The following FXN variants were observed in gnomAD, a reference collection of about 807,000 sequenced individuals.
FXN encodes frataxin.
A neutral mutation model predicts 22.4 loss-of-function variants in FXN; 14 were observed. That is an observed-to-expected ratio of 0.62 (90% CI 0.41 to 0.98). The LOEUF (loss-of-function observed/expected upper bound fraction) is 0.98, where lower values mean the gene tolerates loss of function less well. Among genes scored for constraint, FXN ranks in the 50% least tolerant of loss-of-function variants. The probability of loss-of-function intolerance (pLI) is 0.00; values close to 1 mark genes in which losing one functional copy is unlikely to be tolerated. For synonymous variants in FXN, 120 were observed against 114.1 expected, an observed-to-expected ratio of 1.05 and a Z score of -0.33; for missense variants, 267 against 268.4, an observed-to-expected ratio of 0.99 and a Z score of 0.04.
At chr9:69,039,242 C>T (rs1425371539) in intron 1 of FXN, among the ~76,000 whole-genome samples, 2 of 149,700 alleles carry the variant, frequency 1.3e-5, no homozygotes, top group Middle Eastern at 3.4e-3. Context: ...GGCGACAGAG[C>T]GAGACTCCGT....
At position 69,074,892 on chromosome 9, in the gene FXN, G is replaced by A. The variant is rs935542684; in HGVS notation, c.*2130G>A. ...TGAGAAAATAAATAACATCATACAT[G>A]TTTGTATGTGTTTGCATCTTGCTTC... On this transcript the variant is annotated 3_prime_UTR_variant, in exon 5 of 5. Transcript: ENST00000484259. 2 of 985,286 alleles carry A rather than the reference G, an allele frequency of 2.0e-6. No homozygotes were observed. The highest frequency in any genetic ancestry group is 2.4e-6 in the Non-Finnish European group (2 of 829,814). The allele number at this position is 985,286 out of a possible 1,614,324, so 61.0% of individuals were successfully genotyped here. A position where few individuals can be genotyped will look rare whatever the true frequency, so the allele number is the denominator to read the frequency against.
intron 3 of FXN, among the ~76,000 whole-genome samples, chr9:69,056,686 C>G (rs767019606): frequency 5.9e-5 from 9 of 151,726 alleles, no homozygotes; most frequent in Non-Finnish European, 8.8e-5. Context: ...GCTGAAACCA[C>G]TAAAAAGGAA....
At chr9:69,041,922 A>C (rs1461004514) in intron 1 of FXN, among the ~76,000 whole-genome samples, 3 of 152,158 alleles carry the variant, frequency 2.0e-5, no homozygotes, top group Non-Finnish European at 4.4e-5. Flanking sequence ...TTAGAGGGAG[A>C]CATGGCTGCC....
chr9:69,078,361 T>C lies in FXN; in HGVS notation c.*5599T>C, dbSNP rs575431456. 11 of 985,454 alleles carry C rather than the reference T, an allele frequency of 1.1e-5. No individual in the cohort carries two copies. In the African/African-American group the frequency reaches 1.9e-4, roughly 17 times the overall value. The allele number at this position is 985,454 out of a possible 1,614,324, so 61.0% of individuals were successfully genotyped here. ...AGTTTCACCAAACATCCCTTAAATC[T>C]GCCCTCTCCTGCCCGTCCCCAGTGG... On this transcript the variant is annotated 3_prime_UTR_variant, in exon 5 of 5. Coordinates refer to ENST00000484259, the MANE Select transcript of FXN (RefSeq NM_000144.5).
intron 1 of FXN, among the ~76,000 whole-genome samples, chr9:69,039,286 A>G (rs1361049714): frequency 2.0e-5 from 3 of 151,920 alleles, no homozygotes; most frequent in Non-Finnish European, 2.9e-5. Context: ...TAATAACTTT[A>G]TTACTTTATT....
Position 69,078,448 on chromosome 9 carries a change from T to C in FXN, c.*5686T>C. ...GCTTTCTTATATCCACCTTCCTCCT[T>C]TTCTCTCAGCCCATCATCTAGCTAC... is the stretch of plus-strand genomic sequence containing the variant. On this transcript the variant is annotated 3_prime_UTR_variant, in exon 5 of 5. Transcript: ENST00000484259. The C allele has an allele frequency of 8.1e-6, 8 of 985,426 alleles. No individual in the cohort carries two copies. Among genetic ancestry groups the C allele is most frequent in the Non-Finnish European group, 9.6e-6 (8 of 829,944 alleles). 61.0% of individuals were successfully genotyped at this position (985,426 alleles called of 1,614,324 possible).
intron 3 of FXN, among the ~76,000 whole-genome samples, chr9:69,064,195 G>A (rs1187899338): frequency 6.6e-6 from 1 of 152,180 alleles, no homozygotes; most frequent in Non-Finnish European, 1.5e-5. Context: ...CCATTCTAAA[G>A]AGACCACAGG....
In FXN at chr9:69,078,749, C is replaced by T; in HGVS notation, c.*5987C>T. 1 of 985,654 alleles carries T rather than the reference C, an allele frequency of 1.0e-6. No individual in the cohort carries two copies. The highest frequency in any genetic ancestry group is 1.2e-6 in the Non-Finnish European group (1 of 830,030). The allele number at this position is 985,654 out of a possible 1,614,324, so 61.1% of individuals were successfully genotyped here. On this transcript the variant is annotated 3_prime_UTR_variant, in exon 5 of 5. Transcript: ENST00000484259. ...ATTTTGGTCTTTATTCCCCACATCTCTGCCTGGGGGGTAGATTCTACCCTG... is the reference window on the plus strand; with the variant it reads ...ATTTTGGTCTTTATTCCCCACATCTTTGCCTGGGGGGTAGATTCTACCCTG...
chr9:69,057,852 C>T (rs768567679), intron 3 of FXN, among the ~76,000 whole-genome samples: 1 of 152,074 alleles, frequency 6.6e-6, no homozygotes, highest in East Asian at 1.9e-4. Flanking sequence ...GCACTGATCC[C>T]TCTGTGTTAT....
Position 69,077,383 on chromosome 9 carries a change from A to G in FXN, c.*4621A>G. The G allele has an allele frequency of 1.0e-6, 1 of 985,432 alleles. No individual in the cohort carries two copies. Among genetic ancestry groups the G allele is most frequent in the African/African-American group, 1.7e-5 (1 of 57,362 alleles). 61.0% of individuals were successfully genotyped at this position (985,432 alleles called of 1,614,324 possible). On this transcript the variant is annotated 3_prime_UTR_variant, in exon 5 of 5. Coordinates refer to ENST00000484259, the MANE Select transcript of FXN (RefSeq NM_000144.5). ...CATATGTTCCATCTTCTCTGGCTGT[A>G]TAGTTTAAGGAATGGAAGGCACCAG... is the stretch of plus-strand genomic sequence containing the variant.
intron 3 of FXN, among the ~76,000 whole-genome samples, chr9:69,055,253 G>T (rs1056460637): frequency 2.0e-5 from 3 of 152,150 alleles, no homozygotes; most frequent in African/African-American, 7.2e-5. Flanking sequence ...CAGAGGTGGG[G>T]GAGTTAAGGG....
chr9:69,049,350 C>G (rs1410649217), intron 2 of FXN, among the ~76,000 whole-genome samples: 1 of 152,164 alleles, frequency 6.6e-6, no homozygotes, highest in Non-Finnish European at 1.5e-5. Flanking sequence ...AAAACACACC[C>G]TATCAGGCCA....
At chr9:69,045,672 GCA>G (rs748228573) in intron 1 of FXN, among the ~76,000 whole-genome samples, 5 of 152,166 alleles carry the variant, frequency 3.3e-5, no homozygotes, top group Non-Finnish European at 7.3e-5. Flanking sequence ...TTCACCGGAT[GCA>G]GAGTCCAATT....
Position 69,077,454 on chromosome 9 carries a change from G to A in FXN, c.*4692G>A. 1.0e-6 allele frequency: 1 copy of A among 985,420 alleles called. No individual in the cohort carries two copies. 61.0% of individuals were successfully genotyped at this position (985,420 alleles called of 1,614,324 possible). ...TATTAGCTGAAGATTTATTTAGACA[G>A]TTGAGGAAAACATCAGCACCCAGCA... On this transcript the variant is annotated 3_prime_UTR_variant, in exon 5 of 5. Coordinates refer to ENST00000484259, the MANE Select transcript of FXN (RefSeq NM_000144.5).
rs1317217616 is a variant in FXN at position 69,075,570 on chromosome 9, A to G, written c.*2808A>G. 1 of 985,164 alleles carries G rather than the reference A, an allele frequency of 1.0e-6. No individual in the cohort carries two copies. Among genetic ancestry groups the G allele is most frequent in the African/African-American group, 1.7e-5 (1 of 57,216 alleles). 61.0% of individuals were successfully genotyped at this position (985,164 alleles called of 1,614,324 possible). The stretch of plus-strand genomic sequence containing the variant: ...CTGGAAAAGTACCACTGTGTGTACC[A>G]ATAGCCTCCCCACCACAGACCCTGG... On this transcript the variant is annotated 3_prime_UTR_variant, in exon 5 of 5. Coordinates refer to ENST00000484259, the MANE Select transcript of FXN (RefSeq NM_000144.5).
At chr9:69,042,960 CT>C (rs1831684905) in intron 1 of FXN, among the ~76,000 whole-genome samples, 1 of 152,232 alleles carries the variant, frequency 6.6e-6, no homozygotes, top group Non-Finnish European at 1.5e-5. Flanking sequence ...GCAAGTTACC[CT>C]TTGGTGCGTC....
Position 69,075,650 on chromosome 9 carries a change from C to G in FXN, c.*2888C>G. ...GTCATCCATGTGAAGGATGAGTTTC[C>G]AGGAAAAGGTTATTAAATATTCACT... On this transcript the variant is annotated 3_prime_UTR_variant, in exon 5 of 5. Coordinates refer to ENST00000484259, the MANE Select transcript of FXN (RefSeq NM_000144.5). 1 of 985,258 alleles carries G rather than the reference C, an allele frequency of 1.0e-6. No homozygotes were observed. Among genetic ancestry groups the G allele is most frequent in the South Asian group, 4.7e-5 (1 of 21,278 alleles). The allele number at this position is 985,258 out of a possible 1,614,324, so 61.0% of individuals were successfully genotyped here.
chr9:69,060,257 G>T (rs1008736442), intron 3 of FXN, among the ~76,000 whole-genome samples: 12 of 151,996 alleles, frequency 7.9e-5, no homozygotes, highest in South Asian at 2.1e-4. Flanking sequence ...TGTAGTCCCA[G>T]CTACTCGGGA....
Position 69,035,768 on chromosome 9 carries a change from C to T in FXN, c.-15C>T, listed in dbSNP as rs1831534793. ...CAGCGCTGGAGGGCGGAGCGGGCGGCAGACCCGGAGCAGCATGTGGACTCT... is the reference window on the plus strand; with the variant it reads ...CAGCGCTGGAGGGCGGAGCGGGCGGTAGACCCGGAGCAGCATGTGGACTCT... On this transcript the variant is annotated 5_prime_UTR_variant, in exon 1 of 5. Coordinates refer to ENST00000484259, the MANE Select transcript of FXN (RefSeq NM_000144.5). 2 of 1,497,600 alleles carry T rather than the reference C, an allele frequency of 1.3e-6. No homozygotes were observed. The highest frequency in any genetic ancestry group is 1.8e-6 in the Non-Finnish European group (2 of 1,128,856). 92.8% of individuals were successfully genotyped at this position (1,497,600 alleles called of 1,614,324 possible).
Sources: gnomAD v4.1 joint callset for allele counts (sites outside exome capture counted in the v4.1 genomes callset) on GRCh38, gnomAD v4.1.1 for gene constraint, MANE v1.5 for transcripts, NCBI Gene and HGNC (gene_info 2026-07-23, HGNC 2026-07-21) for gene names.